The following SNRPD1 variants were observed in gnomAD, a reference collection of about 807,000 sequenced individuals.
The protein encoded by SNRPD1 is small nuclear ribonucleoprotein Sm D1.
A neutral mutation model predicts 14.4 loss-of-function variants in SNRPD1; 1 was observed. That is an observed-to-expected ratio of 0.07 (90% CI 0.02 to 0.33). SNRPD1 has a LOEUF of 0.33. Ranked by LOEUF, SNRPD1 falls within the 10% of genes least tolerant of loss-of-function variation. The probability of loss-of-function intolerance (pLI) is 1.00; values close to 1 mark genes in which losing one functional copy is unlikely to be tolerated. For synonymous variants in SNRPD1, 42 were observed against 50.3 expected (o/e 0.83, Z 0.70); for missense variants, 52 against 146.4 (o/e 0.36, Z 3.33).
At chr18:21,621,005 A>G (rs1330778245) in intron 1 of SNRPD1, among the ~76,000 whole-genome samples, 1 of 151,898 alleles carries the variant, frequency 6.6e-6, no homozygotes, top group Non-Finnish European at 1.5e-5. Context: ...CTACTAAAAA[A>G]AAAATACAAA....
chr18:21,626,750 C>CA (rs1450450405), intron 3 of SNRPD1, among the ~76,000 whole-genome samples: 2 of 150,652 alleles, frequency 1.3e-5, no homozygotes, highest in African/African-American at 2.4e-5. Flanking sequence ...CGCACTACTG[C>CA]ACTCCAGCCT....
intron 3 of SNRPD1, among the ~76,000 whole-genome samples, chr18:21,624,271 C>G (rs2039018803): frequency 6.6e-6 from 1 of 151,338 alleles, no homozygotes; most frequent in South Asian, 2.1e-4. Flanking sequence ...CCCAGCTACT[C>G]GGGAGGCTGA....
At chr18:21,623,355 A>G (rs535917523) in intron 2 of SNRPD1, among the ~76,000 whole-genome samples, 6 of 152,184 alleles carry the variant, frequency 3.9e-5, no homozygotes, top group Non-Finnish European at 8.8e-5. Context: ...AGCAGTAACA[A>G]TTCTTATATA....
chr18:21,628,980 T>A (rs1268402717), intron 3 of SNRPD1, 82 bp from the exon 4 acceptor site: 1 of 967,466 alleles, frequency 1.0e-6, no homozygotes, highest in Non-Finnish European at 1.7e-6. Flanking sequence ...GGGAAAGGTG[T>A]GTGTGTAAAT....
chr18:21,624,940 T>C (rs1853264820), intron 3 of SNRPD1, among the ~76,000 whole-genome samples: 1 of 152,112 alleles, frequency 6.6e-6, no homozygotes, highest in African/African-American at 2.4e-5. Flanking sequence ...AAATGCTCTG[T>C]AGATAGTTAT....
chr18:21,619,522 C>T (rs142827866), intron 1 of SNRPD1, among the ~76,000 whole-genome samples: 22,565 of 151,152 alleles, frequency 0.15, 2,133 homozygotes, highest in East Asian at 0.36. Context: ...TGGTGGCTTA[C>T]GCCTGTAATC....
chr18:21,623,009 A>G (rs2039009861), intron 2 of SNRPD1, among the ~76,000 whole-genome samples: 1 of 149,818 alleles, frequency 6.7e-6, no homozygotes. Flanking sequence ...TCACTGCAAC[A>G]TCCGCCGCCT....
chr18:21,625,548 T>C (rs538978866), intron 3 of SNRPD1, among the ~76,000 whole-genome samples: 1 of 152,106 alleles, frequency 6.6e-6, no homozygotes, highest in South Asian at 2.1e-4. Context: ...ACCCCTGACC[T>C]CAAGTGATCC....
intron 3 of SNRPD1, 146 bp downstream of exon 3, chr18:21,624,085 T>A: frequency 3.2e-6 from 2 of 626,552 alleles, no homozygotes; most frequent in Non-Finnish European, 5.5e-6. Context: ...GTGTTGCTAT[T>A]AAAAACATTG....
chr18:21,624,471 C>T lies in SNRPD1; in HGVS notation c.283+532C>T, dbSNP rs142863725. ...CTTTGGGAGGCCAAGGTGGGCAGATCACCTGAGGCCAGGAGTTCCAGACCA... is the reference window on the plus strand; with the variant it reads ...CTTTGGGAGGCCAAGGTGGGCAGATTACCTGAGGCCAGGAGTTCCAGACCA... On this transcript the variant is annotated intron_variant, in intron 3 of 3. Coordinates refer to ENST00000300413, the MANE Select transcript of SNRPD1 (RefSeq NM_006938.4). 4.6e-3 allele frequency among the ~76,000 whole-genome samples: 704 copies of T among 151,618 alleles called. 1 individual carries two copies. Among genetic ancestry groups the T allele is most frequent in the Non-Finnish European group, 7.5e-3 (508 of 67,914 alleles).
At chr18:21,626,680 G>A (rs988517117) in intron 3 of SNRPD1, among the ~76,000 whole-genome samples, 7 of 151,668 alleles carry the variant, frequency 4.6e-5, no homozygotes, top group Admixed American at 1.3e-4. Context: ...CCAGCTACTC[G>A]GGAGGCTAAG....
chr18:21,620,244 G>A (rs1466561388), intron 1 of SNRPD1, among the ~76,000 whole-genome samples: 2 of 152,016 alleles, frequency 1.3e-5, no homozygotes, highest in Admixed American at 6.6e-5. Context: ...ATGAGCTACC[G>A]CACCCGGCCA....
rs977161787 is a variant in SNRPD1 at position 21,612,578 on chromosome 18, G to T, written c.14+135G>T. The T allele has an allele frequency of 1.0e-5, 6 of 599,602 alleles. No individual in the cohort carries two copies. The South Asian group carries it at 1.3e-4, about 13-fold the overall frequency. 37.1% of individuals were successfully genotyped at this position (599,602 alleles called of 1,614,324 possible). A position where few individuals can be genotyped will look rare whatever the true frequency, so the allele number is the denominator to read the frequency against. On this transcript the variant is annotated intron_variant, in intron 1 of 3. Coordinates refer to ENST00000300413, the MANE Select transcript of SNRPD1 (RefSeq NM_006938.4). ...GCCTGCTAACGGCCGGCCTTACTGC[G>T]CCCGCAGCTCGTGCTCGGGCCTGGG... is the stretch of plus-strand genomic sequence containing the variant.
At chr18:21,628,672 A>G (rs182973272) in intron 3 of SNRPD1, among the ~76,000 whole-genome samples, 78 of 152,338 alleles carry the variant, frequency 5.1e-4, no homozygotes, top group Non-Finnish European at 2.9e-5. Flanking sequence ...TCAGTTACCA[A>G]AACTCTGGCA....
chr18:21,620,250 G>A (rs1471502362), intron 1 of SNRPD1, among the ~76,000 whole-genome samples: 1 of 151,974 alleles, frequency 6.6e-6, no homozygotes, highest in African/African-American at 2.4e-5. Flanking sequence ...TACCGCACCC[G>A]GCCAACTAAT....
At chr18:21,623,442 A>G (rs1166243883) in intron 2 of SNRPD1, among the ~76,000 whole-genome samples, 2 of 152,168 alleles carry the variant, frequency 1.3e-5, no homozygotes, top group Non-Finnish European at 2.9e-5. Flanking sequence ...ACAGTGGGAG[A>G]AACATGAAAG....
Position 21,632,641 on chromosome 18 carries a change from TTGAAC to T in SNRPD1, c.*3507_*3511del, listed in dbSNP as rs934775924. 2 of 152,016 alleles carry T rather than the reference TTGAAC, an allele frequency of 1.3e-5. No homozygotes were observed. The highest frequency in any genetic ancestry group is 4.8e-5 in the African/African-American group (2 of 41,400). 9.4% of individuals were successfully genotyped at this position (152,016 alleles called of 1,614,324 possible). Reference sequence around the variant, plus strand: ...TAAAATTGGGTGAAGAAAAAGCTATTTGAACTGATTACCATCATTTGCTATAAAGG... The same window carrying T: ...TAAAATTGGGTGAAGAAAAAGCTATTTGATTACCATCATTTGCTATAAAGG... On this transcript the variant is annotated 3_prime_UTR_variant, in exon 4 of 4. Coordinates refer to ENST00000300413, the MANE Select transcript of SNRPD1 (RefSeq NM_006938.4).
At chr18:21,626,921 T>C (rs1022219433) in intron 3 of SNRPD1, among the ~76,000 whole-genome samples, 6 of 151,230 alleles carry the variant, frequency 4.0e-5, no homozygotes, top group Admixed American at 2.6e-4. Flanking sequence ...GGCTGTCTTC[T>C]GCGTTGGCCT....
Position 21,623,990 on chromosome 18 carries a change from A to G in SNRPD1, c.283+51A>G, listed in dbSNP as rs150551714. 3.0e-5 allele frequency: 31 copies of G among 1,029,822 alleles called. No individual in the cohort carries two copies. The East Asian group carries it at 7.4e-4, about 25-fold the overall frequency. The allele number at this position is 1,029,822 out of a possible 1,614,324, so 63.8% of individuals were successfully genotyped here. A position where few individuals can be genotyped will look rare whatever the true frequency, so the allele number is the denominator to read the frequency against. ...TTTGTGAATGCTAATCCTAATCCAC[A>G]CTATTCATAATATAGATATTATTTG... On this transcript the variant is annotated intron_variant, in intron 3 of 3. Coordinates refer to ENST00000300413, the MANE Select transcript of SNRPD1 (RefSeq NM_006938.4).
Sources: allele counts gnomAD v4.1 joint callset (sites outside exome capture counted in the v4.1 genomes callset), GRCh38; gene constraint gnomAD v4.1.1; transcripts MANE v1.5; gene names NCBI Gene and HGNC (gene_info 2026-07-23, HGNC 2026-07-21).